CNTNAP2: variants seen among roughly 807,000 people sequenced by gnomAD.
CNTNAP2 encodes contactin-associated protein-like 2.
A neutral mutation model predicts 155.2 loss-of-function variants in CNTNAP2; 98 were observed. The ratio of observed to expected loss-of-function variants is 0.63; its 90% CI spans 0.54 to 0.75. CNTNAP2 has a LOEUF of 0.75. Ranked by LOEUF, CNTNAP2 falls within the 30% of genes least tolerant of loss-of-function variation. The pLI, the probability that CNTNAP2 is intolerant of heterozygous loss-of-function variation, is 0.00. For missense variants in CNTNAP2, 1,727 were observed against 1,688.1 expected, an observed-to-expected ratio of 1.02 and a Z score of -0.40; for synonymous variants, 651 against 631.2, an observed-to-expected ratio of 1.03 and a Z score of -0.47.
chr7:148,011,662 C>T (rs571549001), intron 15 of CNTNAP2, among the ~76,000 whole-genome samples: 28 of 152,250 alleles, frequency 1.8e-4, no homozygotes, highest in African/African-American at 6.5e-4. Context: ...TTTGCTTATA[C>T]ACGTGCTTTG....
At chr7:147,340,564 T>A (rs1422482999) in intron 9 of CNTNAP2, among the ~76,000 whole-genome samples, 1 of 152,136 alleles carries the variant, frequency 6.6e-6, no homozygotes, top group Admixed American at 6.6e-5. Context: ...CCTCATAGTA[T>A]CTTTTGCACT....
intron 21 of CNTNAP2, among the ~76,000 whole-genome samples, chr7:148,356,140 C>T (rs979199034): frequency 5.3e-5 from 3 of 56,552 alleles, no homozygotes; most frequent in Non-Finnish European, 6.9e-5. Flanking sequence ...ATTTAAGACA[C>T]AGCTTAAAAT....
chr7:146,180,346 T>C (rs1798532650), intron 1 of CNTNAP2, among the ~76,000 whole-genome samples: 1 of 151,914 alleles, frequency 6.6e-6, no homozygotes, highest in Non-Finnish European at 1.5e-5. Flanking sequence ...TTTCTTCCTT[T>C]CTTTATCCTT....
At chr7:147,815,037 A>G (rs1398516551) in intron 13 of CNTNAP2, among the ~76,000 whole-genome samples, 1 of 152,158 alleles carries the variant, frequency 6.6e-6, no homozygotes, top group South Asian at 2.1e-4. Context: ...GGAGGGAGAG[A>G]GTGGTTCCTC....
chr7:146,120,527 C>T (rs1797546351), intron 1 of CNTNAP2, among the ~76,000 whole-genome samples: 3 of 152,124 alleles, frequency 2.0e-5, no homozygotes, highest in Non-Finnish European at 4.4e-5. Context: ...CAGTTATAAA[C>T]CTACAACGTA....
intron 5 of CNTNAP2, among the ~76,000 whole-genome samples, chr7:147,117,966 C>G (rs1012160668): frequency 6.6e-6 from 1 of 151,706 alleles, no homozygotes; most frequent in Non-Finnish European, 1.5e-5. Flanking sequence ...GCATGCAAAA[C>G]CTGGGAAATA....
intron 1 of CNTNAP2, among the ~76,000 whole-genome samples, chr7:146,131,099 C>CA (rs1412228338): frequency 6.6e-6 from 1 of 152,160 alleles, no homozygotes; most frequent in Non-Finnish European, 1.5e-5. Flanking sequence ...CATAGTTTCA[C>CA]ATAACATTTT....
chr7:146,390,690 T>C (rs1421705484), intron 1 of CNTNAP2, among the ~76,000 whole-genome samples: 1 of 148,918 alleles, frequency 6.7e-6, no homozygotes, highest in African/African-American at 2.4e-5. Context: ...TGTGGCAAAT[T>C]CTACAAAGCG....
intron 1 of CNTNAP2, among the ~76,000 whole-genome samples, chr7:146,642,326 A>T (rs1799724524): frequency 8.7e-6 from 1 of 114,700 alleles, no homozygotes. Context: ...ACCCCACAAC[A>T]GTCCACAGAG....
chr7:147,067,447 G>T (rs543170485), intron 4 of CNTNAP2, among the ~76,000 whole-genome samples: 168 of 152,280 alleles, frequency 1.1e-3, no homozygotes, highest in African/African-American at 3.8e-3. Flanking sequence ...TTTGGGCAAT[G>T]AGGGATTAGA....
At chr7:146,888,837 A>G (rs1795720945) in intron 3 of CNTNAP2, among the ~76,000 whole-genome samples, 1 of 152,080 alleles carries the variant, frequency 6.6e-6, no homozygotes, top group Non-Finnish European at 1.5e-5. Flanking sequence ...CCAGGGGATA[A>G]GGGGAAGGGG....
intron 15 of CNTNAP2, among the ~76,000 whole-genome samples, chr7:148,074,108 A>G (rs1803432652): frequency 1.3e-5 from 2 of 152,192 alleles, no homozygotes; most frequent in African/African-American, 2.4e-5. Context: ...CTCCAAGTTA[A>G]TAACCACTGA....
intron 15 of CNTNAP2, among the ~76,000 whole-genome samples, chr7:148,051,888 C>T (rs1255574257): frequency 1.3e-5 from 2 of 151,956 alleles, no homozygotes; most frequent in African/African-American, 4.8e-5. Flanking sequence ...GCCTGTAATC[C>T]CAGCAGTTTG....
At chr7:148,399,516 T>G (rs17170987) in intron 22 of CNTNAP2, among the ~76,000 whole-genome samples, 24,426 of 152,156 alleles carry the variant, frequency 0.16, 2,283 homozygotes, top group East Asian at 0.31. Context: ...ATATTTTTCC[T>G]CCCTGATAAA....
chr7:147,033,100 G>A (rs1349021081), intron 3 of CNTNAP2, among the ~76,000 whole-genome samples: 1 of 142,806 alleles, frequency 7.0e-6, no homozygotes, highest in African/African-American at 2.6e-5. Context: ...AAGACAAGAT[G>A]TATTTATTTG....
chr7:147,025,851 GTT>G (rs750325755), intron 3 of CNTNAP2, among the ~76,000 whole-genome samples: 23 of 134,962 alleles, frequency 1.7e-4, no homozygotes, highest in African/African-American at 3.7e-4. Context: ...TGTTGCTGTT[GTT>G]TTTTTTTTTT....
chr7:147,039,759 C>A (rs1331886647), intron 3 of CNTNAP2, among the ~76,000 whole-genome samples: 1 of 152,076 alleles, frequency 6.6e-6, no homozygotes, highest in African/African-American at 2.4e-5. Flanking sequence ...TACTGCTTTC[C>A]ACAATGGTTA....
chr7:147,780,782 A>G (rs898915621), intron 13 of CNTNAP2, among the ~76,000 whole-genome samples: 9 of 152,340 alleles, frequency 5.9e-5, no homozygotes, highest in Middle Eastern at 3.4e-3. Flanking sequence ...AAGTATAAGA[A>G]GTGGGGTCTG....
chr7:147,131,105 CATAT>C (rs928043375), intron 7 of CNTNAP2, among the ~76,000 whole-genome samples: 21 of 139,892 alleles, frequency 1.5e-4, no homozygotes, highest in African/African-American at 5.3e-4. Flanking sequence ...TATACACACA[CATAT>C]ATATACCATA....
Sources: allele counts gnomAD v4.1 joint callset (sites outside exome capture counted in the v4.1 genomes callset), GRCh38; gene constraint gnomAD v4.1.1; transcripts MANE v1.5; gene names NCBI Gene and HGNC (gene_info 2026-07-23, HGNC 2026-07-21).